The following MCM5 variants were observed in gnomAD, a reference collection of about 807,000 sequenced individuals.
The protein encoded by MCM5 is minichromosome maintenance complex component 5.
Under a neutral mutation model 79.9 loss-of-function variants are expected in MCM5, and 46 were observed. That is an observed-to-expected ratio of 0.58 (90% CI 0.45 to 0.74). MCM5 has a LOEUF of 0.74. Among genes scored for constraint, MCM5 ranks in the 30% least tolerant of loss-of-function variants. MCM5 has a pLI of 0.00. For missense variants in MCM5, 883 were observed against 1,017.0 expected, an observed-to-expected ratio of 0.87 and a Z score of 1.79; for synonymous variants, 404 against 390.5, an observed-to-expected ratio of 1.03 and a Z score of -0.41.
chr22:35,402,013 G>A (rs2145781063), intron 2 of MCM5, among the ~76,000 whole-genome samples: 2 of 152,308 alleles, frequency 1.3e-5, no homozygotes, highest in South Asian at 4.1e-4. Flanking sequence ...GGGAGACGGG[G>A]CTCAGGCCTG....
At chr22:35,416,009 G>A in intron 10 of MCM5, 37 bp downstream of exon 10, 2 of 1,599,348 alleles carry the variant, frequency 1.3e-6, no homozygotes, top group Non-Finnish European at 8.6e-7. Context: ...CAAAAGGTGG[G>A]TGGCACCAGG....
chr22:35,422,955 G>A (rs1361704514), intron 15 of MCM5: 3 of 311,272 alleles, frequency 9.6e-6, no homozygotes, highest in East Asian at 5.1e-5. Flanking sequence ...TCTCTGCTGC[G>A]CTGGGCCCCG....
the MCM5 span, among the ~76,000 whole-genome samples, chr22:35,450,439 T>G: frequency 1.3e-5 from 2 of 151,878 alleles, no homozygotes; most frequent in African/African-American, 4.8e-5. Context: ...CCTTTCCCTC[T>G]CCCCTCCTGG....
In MCM5 at chr22:35,402,238, T is replaced by C. The variant is rs2145781264; in HGVS notation, c.168-969T>C. ...GGGCAACATAGTGAAACCCAGGCTCTATTTAAAAAAAAACAGTCTGACTAG... is the reference window on the plus strand; with the variant it reads ...GGGCAACATAGTGAAACCCAGGCTCCATTTAAAAAAAAACAGTCTGACTAG... On this transcript the variant is annotated intron_variant, in intron 2 of 16. Coordinates refer to ENST00000216122, the MANE Select transcript of MCM5 (RefSeq NM_006739.4). Among the ~76,000 whole-genome samples the C allele has an allele frequency of 2.0e-5, 3 of 152,030 alleles. No individual in the cohort carries two copies. The Middle Eastern group carries it at 0.01, about 524-fold the overall frequency.
chr22:35,403,951 A>C (rs1351645636), intron 4 of MCM5, among the ~76,000 whole-genome samples: 2 of 151,338 alleles, frequency 1.3e-5, no homozygotes, highest in South Asian at 2.1e-4. Context: ...CAAAAAAAAA[A>C]CAAAAAAAAC....
chr22:35,428,982 T>TC (rs1192300520), downstream of MCM5, among the ~76,000 whole-genome samples: 1 of 141,112 alleles, frequency 7.1e-6, no homozygotes, highest in African/African-American at 2.7e-5. Flanking sequence ...TTTTTTTTTT[T>TC]TTTTTTTTTT....
At chr22:35,448,057 C>G in the MCM5 span, among the ~76,000 whole-genome samples, 1 of 152,212 alleles carries the variant, frequency 6.6e-6, no homozygotes, top group Admixed American at 6.5e-5. Flanking sequence ...GAACTGTCCC[C>G]TCCTCCCACA....
intron 16 of MCM5, 167 bp downstream of exon 16, chr22:35,423,508 G>A: frequency 1.6e-6 from 1 of 643,854 alleles, no homozygotes; most frequent in Non-Finnish European, 2.3e-6. Context: ...TCCTTCCCTA[G>A]GGACATCTTC....
chr22:35,432,860 G>T, the MCM5 span, among the ~76,000 whole-genome samples: 1 of 151,976 alleles, frequency 6.6e-6, no homozygotes, highest in South Asian at 2.1e-4. Flanking sequence ...GGTAAAAGTT[G>T]CTGGGGGCAG....
chr22:35,413,525 C>T (rs1932449542), intron 8 of MCM5, among the ~76,000 whole-genome samples: 1 of 152,204 alleles, frequency 6.6e-6, no homozygotes. Flanking sequence ...GCTTGTTCTG[C>T]CGCACCGTGC....
Position 35,421,305 on chromosome 22 carries a change from G to C in MCM5, c.1833-13G>C, listed in dbSNP as rs773450169. ...GGACCGAGGCTACCCTGAGCACGCT[G>C]TTGCCCCCACAGGCAGCTGGAGGCC... On this transcript the variant is annotated splice_polypyrimidine_tract_variant and intron_variant, in intron 14 of 16. Coordinates refer to ENST00000216122, the MANE Select transcript of MCM5 (RefSeq NM_006739.4). The C allele has an allele frequency of 1.7e-5, 28 of 1,610,876 alleles. No homozygotes were observed. The South Asian group carries it at 3.1e-4, about 18-fold the overall frequency.
chr22:35,450,787 A>G, the MCM5 span, among the ~76,000 whole-genome samples: 1 of 150,884 alleles, frequency 6.6e-6, no homozygotes, highest in African/African-American at 2.5e-5. Flanking sequence ...GTCAATGAGG[A>G]AAGAGTTGGG....
At chr22:35,430,197 G>T (rs1932803405), downstream of MCM5, among the ~76,000 whole-genome samples, 1 of 152,206 alleles carries the variant, frequency 6.6e-6, no homozygotes, top group Non-Finnish European at 1.5e-5. Context: ...CAGGGTGACG[G>T]AGTCCATGGC....
the MCM5 span, among the ~76,000 whole-genome samples, chr22:35,434,523 A>G: frequency 3.9e-5 from 6 of 152,188 alleles, no homozygotes; most frequent in African/African-American, 4.8e-5. Context: ...CAGAGAGATG[A>G]GATGCCAAGA....
chr22:35,448,491 C>T, the MCM5 span, among the ~76,000 whole-genome samples: 1 of 152,226 alleles, frequency 6.6e-6, no homozygotes, highest in South Asian at 2.1e-4. Flanking sequence ...AAAACATCAT[C>T]GTATTCGTCA....
At chr22:35,447,071 G>A in the MCM5 span, among the ~76,000 whole-genome samples, 1 of 152,180 alleles carries the variant, frequency 6.6e-6, no homozygotes, top group Non-Finnish European at 1.5e-5. Flanking sequence ...GAAGACCAGG[G>A]GTTCAGCCCC....
the MCM5 span, among the ~76,000 whole-genome samples, chr22:35,449,647 C>T: frequency 3.3e-5 from 5 of 152,126 alleles, no homozygotes; most frequent in South Asian, 2.1e-4. Context: ...TCTGTGCCCC[C>T]GCCCATGCTG....
At chr22:35,450,521 G>A in the MCM5 span, among the ~76,000 whole-genome samples, 2 of 152,220 alleles carry the variant, frequency 1.3e-5, no homozygotes, top group South Asian at 4.2e-4. Context: ...GCCTGACTCC[G>A]CCTGGTTTCT....
At chr22:35,439,181 G>A in the MCM5 span, among the ~76,000 whole-genome samples, 6 of 110,872 alleles carry the variant, frequency 5.4e-5, no homozygotes, top group African/African-American at 1.1e-4. Context: ...CCACTCACCC[G>A]CCCATCCACC....
Sources: allele counts gnomAD v4.1 joint callset (sites outside exome capture counted in the v4.1 genomes callset), GRCh38; gene constraint gnomAD v4.1.1; transcripts MANE v1.5; gene names NCBI Gene and HGNC (gene_info 2026-07-23, HGNC 2026-07-21).